Variants in ZNF407 observed in about 807,000 individuals in gnomAD.
The protein encoded by ZNF407 is zinc finger protein 407.
ZNF407 carries 17 observed loss-of-function variants against 131.2 expected under a neutral mutation model. The observed-to-expected ratio is 0.13, with a 90% CI of 0.09 to 0.19. ZNF407 has a LOEUF of 0.19. ZNF407 is among the 10% of genes least tolerant of loss of function. The probability of loss-of-function intolerance (pLI) is 1.00; values close to 1 mark genes in which losing one functional copy is unlikely to be tolerated. For synonymous variants in ZNF407, 1,156 were observed against 1,062.0 expected (o/e 1.09, Z -1.72); for missense variants, 2,681 against 2,830.6 (o/e 0.95, Z 1.20).
chr18:74,770,854 C>T (rs1285642427), intron 3 of ZNF407, among the ~76,000 whole-genome samples: 3 of 152,110 alleles, frequency 2.0e-5, no homozygotes, highest in African/African-American at 7.2e-5. Context: ...TTTCTGTATG[C>T]AGAATGCCTA....
chr18:74,898,122 G>C (rs1443725109), intron 7 of ZNF407: 2 of 152,176 alleles, frequency 1.3e-5, no homozygotes, highest in African/African-American at 4.8e-5. Context: ...TGATGCCGTC[G>C]TTTTTATGAA....
chr18:74,891,316 C>T (rs1285713746), intron 7 of ZNF407, among the ~76,000 whole-genome samples: 1 of 152,152 alleles, frequency 6.6e-6, no homozygotes, highest in African/African-American at 2.4e-5. Flanking sequence ...CCACTGCGCT[C>T]GACCCACATG....
intron 3 of ZNF407, among the ~76,000 whole-genome samples, chr18:74,723,282 GT>G (rs1455155393): frequency 6.6e-6 from 1 of 152,084 alleles, no homozygotes; most frequent in Non-Finnish European, 1.5e-5. Context: ...CCAGCATTGT[GT>G]CATTTTCATT....
chr18:75,021,332 A>C (rs1390478235), intron 8 of ZNF407, among the ~76,000 whole-genome samples: 4 of 152,102 alleles, frequency 2.6e-5, no homozygotes, highest in Non-Finnish European at 5.9e-5. Flanking sequence ...ACAGTGGTGC[A>C]ATCATGGCTC....
chr18:74,621,305 AG>A (rs1369166357), intron 1 of ZNF407, among the ~76,000 whole-genome samples: 4 of 152,156 alleles, frequency 2.6e-5, no homozygotes, highest in African/African-American at 9.7e-5. Context: ...GCCAAAACAT[AG>A]TTGCTTAAAG....
intron 3 of ZNF407, among the ~76,000 whole-genome samples, chr18:74,669,344 T>C (rs914211564): frequency 6.6e-6 from 1 of 152,198 alleles, no homozygotes; most frequent in Non-Finnish European, 1.5e-5. Flanking sequence ...GAAGGGCTGC[T>C]CCTCTCTCCT....
chr18:74,946,614 T>C (rs1021746583), intron 8 of ZNF407, among the ~76,000 whole-genome samples: 1 of 152,246 alleles, frequency 6.6e-6, no homozygotes, highest in Admixed American at 6.5e-5. Flanking sequence ...TTAATATATA[T>C]TTTAGAACAA....
chr18:74,832,475 G>A (rs1358047315), intron 4 of ZNF407, among the ~76,000 whole-genome samples: 1 of 150,734 alleles, frequency 6.6e-6, no homozygotes, highest in Non-Finnish European at 1.5e-5. Context: ...TTTTTTTTGA[G>A]ATAGGGTCTC....
chr18:75,039,529 G>A (rs1397142123), intron 8 of ZNF407, among the ~76,000 whole-genome samples: 1 of 152,136 alleles, frequency 6.6e-6, no homozygotes, highest in Admixed American at 6.5e-5. Flanking sequence ...CAGGACCTTG[G>A]TCCACAGAGC....
chr18:74,680,702 G>T (rs1163120207), intron 3 of ZNF407, among the ~76,000 whole-genome samples: 1 of 151,984 alleles, frequency 6.6e-6, no homozygotes, highest in Non-Finnish European at 1.5e-5. Flanking sequence ...TTATAATTTT[G>T]AAGGGAATCT....
At chr18:74,980,684 G>A (rs962695063) in intron 8 of ZNF407, among the ~76,000 whole-genome samples, 9 of 152,150 alleles carry the variant, frequency 5.9e-5, no homozygotes, top group Admixed American at 2.0e-4. Context: ...GAGGATGATA[G>A]TTTCCAACCT....
chr18:74,697,550 C>T (rs1043142619), intron 3 of ZNF407, among the ~76,000 whole-genome samples: 4 of 151,852 alleles, frequency 2.6e-5, no homozygotes, highest in Middle Eastern at 3.4e-3. Context: ...AGAATATAAA[C>T]GTTATGATTG....
At chr18:74,661,560 A>C (rs1178853578) in intron 3 of ZNF407, among the ~76,000 whole-genome samples, 1 of 151,888 alleles carries the variant, frequency 6.6e-6, no homozygotes, top group Non-Finnish European at 1.5e-5. Context: ...ATCTGTTTAA[A>C]TTTAAGTGTT....
intron 8 of ZNF407, among the ~76,000 whole-genome samples, chr18:75,016,564 G>A (rs1389037028): frequency 6.6e-6 from 1 of 152,084 alleles, no homozygotes; most frequent in East Asian, 1.9e-4. Context: ...TACACAGCAA[G>A]TGAAGTTTAA....
Position 74,897,678 on chromosome 18 carries a change from G to C in ZNF407, c.5249+7640G>C, listed in dbSNP as rs1005591769. On this transcript the variant is annotated intron_variant, in intron 7 of 8. Transcript: ENST00000299687. ...CTCTTGCATAATAAGTTATTCCTTAGACACTAGAGCTATTATCAAACAACA... is the reference window on the plus strand; with the variant it reads ...CTCTTGCATAATAAGTTATTCCTTACACACTAGAGCTATTATCAAACAACA... 2.0e-5 allele frequency among the ~76,000 whole-genome samples: 3 copies of C among 152,082 alleles called. No homozygotes were observed. In the East Asian group the frequency reaches 5.8e-4, roughly 29 times the overall value.
At chr18:74,879,607 T>C (rs1482807244) in intron 5 of ZNF407, among the ~76,000 whole-genome samples, 1 of 152,180 alleles carries the variant, frequency 6.6e-6, no homozygotes, top group Non-Finnish European at 1.5e-5. Flanking sequence ...AACTTTATTC[T>C]TTACAGCCCA....
intron 4 of ZNF407, among the ~76,000 whole-genome samples, chr18:74,824,945 C>T (rs1599178566): frequency 2.0e-5 from 3 of 152,132 alleles, no homozygotes; most frequent in Non-Finnish European, 2.9e-5. Context: ...TGATGAACAT[C>T]GATGGGAACA....
At chr18:74,925,677 A>G (rs1431675472) in intron 8 of ZNF407, among the ~76,000 whole-genome samples, 1 of 152,220 alleles carries the variant, frequency 6.6e-6, no homozygotes, top group African/African-American at 2.4e-5. Flanking sequence ...GACATTTTGT[A>G]CAACAATTCA....
chr18:74,942,700 T>A (rs1276225785), intron 8 of ZNF407, among the ~76,000 whole-genome samples: 2 of 152,150 alleles, frequency 1.3e-5, no homozygotes. Context: ...TTGGTGCCCA[T>A]CTGGGGCGCT....
Sources: gnomAD v4.1 joint callset for allele counts (sites outside exome capture counted in the v4.1 genomes callset) on GRCh38, gnomAD v4.1.1 for gene constraint, MANE v1.5 for transcripts, NCBI Gene and HGNC (gene_info 2026-07-23, HGNC 2026-07-21) for gene names.